The following WDR70 variants were observed in gnomAD, a reference collection of about 807,000 sequenced individuals.
The protein encoded by WDR70 is WD repeat domain 70.
In WDR70, 53 loss-of-function variants were observed where a neutral mutation model predicts 88.6. That is an observed-to-expected ratio of 0.60 (90% CI 0.48 to 0.75). The LOEUF (loss-of-function observed/expected upper bound fraction) is 0.75, where lower values mean the gene tolerates loss of function less well. Ranked by LOEUF, WDR70 falls within the 30% of genes least tolerant of loss-of-function variation. The pLI is 0.00. For synonymous variants in WDR70, 280 were observed against 270.0 expected, an observed-to-expected ratio of 1.04 and a Z score of -0.36; for missense variants, 610 against 823.2, an observed-to-expected ratio of 0.74 and a Z score of 3.17.
At chr5:37,562,833 T>A (rs1213210859) in intron 9 of WDR70, among the ~76,000 whole-genome samples, 1 of 151,908 alleles carries the variant, frequency 6.6e-6, no homozygotes, top group Non-Finnish European at 1.5e-5. Context: ...ATGAAAAGTC[T>A]CCCATGTCTA....
intron 13 of WDR70, among the ~76,000 whole-genome samples, chr5:37,711,353 A>C (rs1747506417): frequency 6.6e-6 from 1 of 152,048 alleles, no homozygotes; most frequent in Admixed American, 6.6e-5. Context: ...CTACGACGTA[A>C]CTCTCCTGTA....
rs535821182 is a variant in WDR70, at chr5:37,679,556, A to G, written c.1093-18099A>G. Among the ~76,000 whole-genome samples, 710 of 152,306 alleles carry G rather than the reference A, an allele frequency of 4.7e-3. 12 individuals are homozygous for G. Among genetic ancestry groups the G allele is most frequent in the African/African-American group, 0.017 (686 of 41,572 alleles). ...GGCTGCAGAACAGCGGATTTTCGTG[A>G]ACCGCGAATGCTGCTATCTGATCGT... On this transcript the variant is annotated intron_variant, in intron 10 of 17. Transcript: ENST00000265107.
At chr5:37,402,562 G>A (rs556265361) in intron 5 of WDR70, among the ~76,000 whole-genome samples, 2 of 151,952 alleles carry the variant, frequency 1.3e-5, no homozygotes, top group Admixed American at 6.6e-5. Flanking sequence ...TGATAAATTC[G>A]TAAAATGTGT....
At chr5:37,493,170 A>G (rs564424553) in intron 8 of WDR70, among the ~76,000 whole-genome samples, 9 of 152,166 alleles carry the variant, frequency 5.9e-5, no homozygotes, top group Non-Finnish European at 8.8e-5. Flanking sequence ...ACAAATTACC[A>G]AAAACCAGGG....
intron 5 of WDR70, among the ~76,000 whole-genome samples, chr5:37,418,567 A>G (rs1293164488): frequency 1.3e-5 from 2 of 152,022 alleles, no homozygotes; most frequent in Non-Finnish European, 2.9e-5. Context: ...TTAGTTGACT[A>G]CTTCTCTTAT....
At chr5:37,388,937 C>T (rs1561833304) in intron 3 of WDR70, among the ~76,000 whole-genome samples, 1 of 151,886 alleles carries the variant, frequency 6.6e-6, no homozygotes, top group Non-Finnish European at 1.5e-5. Context: ...GAGTAGGCAG[C>T]CTCAGTATCT....
At chr5:37,528,167 G>A (rs562843913) in intron 9 of WDR70, among the ~76,000 whole-genome samples, 2 of 152,270 alleles carry the variant, frequency 1.3e-5, no homozygotes, top group South Asian at 4.1e-4. Flanking sequence ...CTGCTGTAAA[G>A]ACACATGCAC....
chr5:37,650,388 G>A (rs900609427), intron 10 of WDR70, among the ~76,000 whole-genome samples: 1 of 151,890 alleles, frequency 6.6e-6, no homozygotes, highest in Non-Finnish European at 1.5e-5. Context: ...GCGACAGAGT[G>A]AGAGTCCGTC....
intron 3 of WDR70, among the ~76,000 whole-genome samples, chr5:37,388,331 C>T (rs71619858): frequency 5.3e-5 from 8 of 150,868 alleles, no homozygotes; most frequent in Admixed American, 4.6e-4. Context: ...CTGGCCAGGC[C>T]GGTCTCGAAC....
intron 9 of WDR70, among the ~76,000 whole-genome samples, chr5:37,531,725 C>G (rs1237116159): frequency 1.3e-5 from 2 of 150,642 alleles, no homozygotes; most frequent in East Asian, 2.0e-4. Context: ...CATTCTGTAT[C>G]TTTAAGTGGA....
rs1743996968 is a variant in WDR70 at position 37,605,113 on chromosome 5, T to A, written c.967T>A (p.Phe323Ile). The change falls in exon 10 of 18, where the codon TTT (phenylalanine) becomes ATT (isoleucine). Residue 323 changes from phenylalanine to isoleucine, a missense_variant. Physicochemically the swap from Phe to Ile is conservative, Grantham distance 21 (BLOSUM62 0). This residue lies in a region of WDR70 where 254 missense variants were observed against 300.7 expected (regional missense o/e 0.84). Transcript: ENST00000265107. ...AAATCCAAAGAAGCAAAAAAGTGTG[T>A]TTAAACCACGGACGATGCAAGGCAA... ...VENPKKQKSV[F>I]KPRTMQGKKV... 2 of 1,612,962 alleles carry A rather than the reference T, an allele frequency of 1.2e-6. No individual in the cohort carries two copies.
intron 10 of WDR70, among the ~76,000 whole-genome samples, chr5:37,637,457 A>G (rs927682272): frequency 6.6e-6 from 1 of 152,172 alleles, no homozygotes; most frequent in Non-Finnish European, 1.5e-5. Flanking sequence ...GGGTTAAGTC[A>G]GCTCACTTAA....
intron 5 of WDR70, among the ~76,000 whole-genome samples, chr5:37,418,231 A>G (rs1749822336): frequency 6.9e-6 from 1 of 144,950 alleles, no homozygotes; most frequent in Non-Finnish European, 1.5e-5. Context: ...TATTTTATTC[A>G]GGATTAAATA....
intron 10 of WDR70, among the ~76,000 whole-genome samples, chr5:37,638,964 A>T (rs908802034): frequency 6.6e-6 from 1 of 152,236 alleles, no homozygotes; most frequent in African/African-American, 2.4e-5. Flanking sequence ...ACAAAAATGT[A>T]TCTAACTTGA....
chr5:37,539,650 A>G (rs1357540881), intron 9 of WDR70, among the ~76,000 whole-genome samples: 1 of 152,212 alleles, frequency 6.6e-6, no homozygotes, highest in Non-Finnish European at 1.5e-5. Context: ...ACTTGCACAC[A>G]TGTACAAACC....
chr5:37,740,267 T>C (rs973390212), intron 17 of WDR70, among the ~76,000 whole-genome samples: 1 of 152,208 alleles, frequency 6.6e-6, no homozygotes, highest in African/African-American at 2.4e-5. Flanking sequence ...CCTAGATAGC[T>C]CTGAATTGAG....
chr5:37,451,731 C>CA (rs1172759759), intron 7 of WDR70, among the ~76,000 whole-genome samples: 1 of 152,168 alleles, frequency 6.6e-6, no homozygotes, highest in Non-Finnish European at 1.5e-5. Flanking sequence ...TGTGGTGGCT[C>CA]ACGGCTGTAA....
intron 13 of WDR70, among the ~76,000 whole-genome samples, chr5:37,715,866 G>T (rs1041594444): frequency 1.3e-5 from 2 of 151,662 alleles, no homozygotes; most frequent in African/African-American, 4.8e-5. Flanking sequence ...TTTGTTTTGG[G>T]TTCACATCTT....
At chr5:37,492,834 A>T (rs1010090249) in intron 8 of WDR70, among the ~76,000 whole-genome samples, 8 of 152,226 alleles carry the variant, frequency 5.3e-5, no homozygotes, top group African/African-American at 1.4e-4. Context: ...TCAAGATGAC[A>T]AAGGATGCTA....
Sources: allele counts gnomAD v4.1 joint callset (sites outside exome capture counted in the v4.1 genomes callset), GRCh38; gene constraint gnomAD v4.1.1; regional missense constraint gnomAD v4.1.1; transcripts MANE v1.5; gene names NCBI Gene and HGNC (gene_info 2026-07-23, HGNC 2026-07-21).